SPTY2D1: variants seen among roughly 807,000 people sequenced by gnomAD.
The protein encoded by SPTY2D1 is SPT2 chromatin protein domain containing 1.
SPTY2D1 carries 21 observed loss-of-function variants against 64.0 expected under a neutral mutation model. The observed-to-expected ratio is 0.33, with a 90% CI of 0.23 to 0.47. The LOEUF is 0.47. Among genes scored for constraint, SPTY2D1 ranks in the 20% least tolerant of loss-of-function variants. The probability of loss-of-function intolerance (pLI) is 1.00; values close to 1 mark genes in which losing one functional copy is unlikely to be tolerated. For synonymous variants in SPTY2D1, 287 were observed against 286.8 expected (o/e 1.00, Z -0.01); for missense variants, 724 against 837.2 (o/e 0.86, Z 1.67).
chr11:18,624,014 A>C (rs1269065961), intron 1 of SPTY2D1, among the ~76,000 whole-genome samples: 2 of 152,196 alleles, frequency 1.3e-5, no homozygotes, highest in Admixed American at 1.3e-4. Flanking sequence ...ACATTTGTGT[A>C]CAAGTTTTTA....
rs1441565030 is a variant in SPTY2D1, at chr11:18,609,356, C to T, written c.*505G>A. The T allele has an allele frequency of 6.5e-6, 1 of 153,476 alleles. No homozygotes were observed. The highest frequency in any genetic ancestry group is 2.0e-4 in the South Asian group (1 of 4,880). The allele number at this position is 153,476 out of a possible 1,614,324, so 9.5% of individuals were successfully genotyped here. A position where few individuals can be genotyped will look rare whatever the true frequency, so the allele number is the denominator to read the frequency against. On this transcript the variant is annotated 3_prime_UTR_variant, in exon 6 of 6. Transcript: ENST00000336349. The stretch of plus-strand genomic sequence containing the variant: ...TATGATAGTTATAAATTCTACTCTA[C>T]ATTTTCAAGTTCTCAATCCATAGAT...
chr11:18,621,439 A>C (rs548182546), intron 1 of SPTY2D1, among the ~76,000 whole-genome samples: 1 of 152,330 alleles, frequency 6.6e-6, no homozygotes, highest in South Asian at 2.1e-4. Flanking sequence ...GGTGTTCAGG[A>C]ACTCAGATTT....
At position 18,612,516 on chromosome 11, in the gene SPTY2D1, T is replaced by A; in HGVS notation, c.1712-28A>T. 6.5e-7 allele frequency: 1 copy of A among 1,547,966 alleles called. No individual in the cohort carries two copies. The highest frequency in any genetic ancestry group is 8.7e-7 in the Non-Finnish European group (1 of 1,150,932). ...AAGAAACCATTATTTATAAGAATAT[T>A]ACAATTTAAAATAGTTCCAATGCAG... On this transcript the variant is annotated intron_variant, in intron 3 of 5. Coordinates refer to ENST00000336349, the MANE Select transcript of SPTY2D1 (RefSeq NM_194285.3). The surrounding 1 kb of genome is among the most constrained non-coding windows in gnomAD (Gnocchi z 4.6).
Position 18,614,989 on chromosome 11 carries a change from C to T in SPTY2D1, c.1285G>A (p.Val429Ile), listed in dbSNP as rs555192381. 3.7e-6 allele frequency: 6 copies of T among 1,614,212 alleles called. No individual in the cohort carries two copies. The South Asian group carries it at 5.5e-5, about 15-fold the overall frequency. The change falls in exon 3 of 6, where the codon GTC becomes ATC. Residue 429 changes from valine to isoleucine, a missense_variant. Physicochemically the swap from Val to Ile is conservative, Grantham distance 29. Around this residue, in one of 3 missense-constraint regions of SPTY2D1, gnomAD observed 426 missense variants for 431.8 expected, o/e 0.99. Transcript: ENST00000336349. ...TNDSNPSRRT[V>I]SGTCGPGQPA... is the part of the protein sequence containing the mutation. The stretch of plus-strand genomic sequence containing the variant: ...TGTCCAGGGCCACATGTACCACTGA[C>T]TGTCCGCCTAGAGGGATTTGAGTCA...
intron 1 of SPTY2D1, among the ~76,000 whole-genome samples, chr11:18,624,364 C>A (rs1192057534): frequency 2.0e-5 from 3 of 152,206 alleles, no homozygotes; most frequent in Non-Finnish European, 4.4e-5. Context: ...TGAGTCAAGG[C>A]ACCAGGCTGC....
chr11:18,629,585 T>C (rs78458136), intron 1 of SPTY2D1, among the ~76,000 whole-genome samples: 1 of 152,344 alleles, frequency 6.6e-6, no homozygotes, highest in African/African-American at 2.4e-5. Context: ...TTAACTACTT[T>C]GTTTTTCCTA....
chr11:18,626,972 T>C (rs1443368154), intron 1 of SPTY2D1, among the ~76,000 whole-genome samples: 1 of 151,540 alleles, frequency 6.6e-6, no homozygotes, highest in South Asian at 2.1e-4. Context: ...AAATGGAGAG[T>C]CTATTTGGGG....
At position 18,615,981 on chromosome 11, in the gene SPTY2D1, C is replaced by A. The variant is rs1301651677; in HGVS notation, c.293G>T (p.Gly98Val). ...RTKDNFHGYN[G>V]IPIEEKSKKR... ...CTTTGACTTTTCCTCAATAGGAATC[C>A]CATTGTAACCATGGAAATTATCCTT... The change falls in exon 3 of 6, where the codon GGG (glycine) becomes GTG (valine). Residue 98 changes from glycine (G) to valine (V), a missense_variant. This residue lies in a region of SPTY2D1 where 179 missense variants were observed against 232.5 expected (regional missense o/e 0.77). Transcript: ENST00000336349. 1 of 1,614,154 alleles carries A rather than the reference C, an allele frequency of 6.2e-7. No individual in the cohort carries two copies. The highest frequency in any genetic ancestry group is 1.1e-5 in the South Asian group (1 of 91,078).
Position 18,609,804 on chromosome 11 carries a change from G to A in SPTY2D1, c.*57C>T, listed in dbSNP as rs1345719425. On this transcript the variant is annotated 3_prime_UTR_variant, in exon 6 of 6. Transcript: ENST00000336349. Reference sequence around the variant, plus strand: ...GATAAGGGGGCTTCTTCAGTCTGAAGGCAGGAAATCCTTGCAGCAGAGCAG... The same window carrying A: ...GATAAGGGGGCTTCTTCAGTCTGAAAGCAGGAAATCCTTGCAGCAGAGCAG... 1 of 1,532,970 alleles carries A rather than the reference G, an allele frequency of 6.5e-7. No individual in the cohort carries two copies. Among genetic ancestry groups the A allele is most frequent in the Admixed American group, 1.8e-5 (1 of 57,056 alleles). The allele number at this position is 1,532,970 out of a possible 1,614,324, so 95.0% of individuals were successfully genotyped here. A position where few individuals can be genotyped will look rare whatever the true frequency, so the allele number is the denominator to read the frequency against.
chr11:18,619,751 G>A (rs774789276), intron 1 of SPTY2D1, among the ~76,000 whole-genome samples: 8 of 152,102 alleles, frequency 5.3e-5, no homozygotes, highest in South Asian at 2.1e-4. Flanking sequence ...GCAAGACTCC[G>A]TCTCAATAAA....
At chr11:18,617,579 T>C (rs552634576) in intron 1 of SPTY2D1, among the ~76,000 whole-genome samples, 144 of 138,310 alleles carry the variant, frequency 1.0e-3, no homozygotes, top group African/African-American at 3.7e-3. Flanking sequence ...TGAGCCGAGA[T>C]TGTGCCACTG....
intron 2 of SPTY2D1, among the ~76,000 whole-genome samples, chr11:18,616,444 T>C (rs1022136926): frequency 1.1e-4 from 16 of 152,322 alleles, no homozygotes; most frequent in African/African-American, 3.8e-4. Flanking sequence ...TTCTTTGTAT[T>C]TGCATGAAGT....
chr11:18,619,451 C>G (rs964136829), intron 1 of SPTY2D1, among the ~76,000 whole-genome samples: 1 of 135,266 alleles, frequency 7.4e-6, no homozygotes, highest in Non-Finnish European at 1.6e-5. Context: ...GAGAACTCAT[C>G]TCTTTAAAAA....
At chr11:18,614,332 G>A (rs747753690) in intron 3 of SPTY2D1, among the ~76,000 whole-genome samples, 1 of 152,156 alleles carries the variant, frequency 6.6e-6, no homozygotes, top group African/African-American at 2.4e-5. Context: ...TAAGGTGGGA[G>A]AACTGCTTGA....
At chr11:18,618,352 C>G (rs1415231691) in intron 1 of SPTY2D1, among the ~76,000 whole-genome samples, 1 of 152,188 alleles carries the variant, frequency 6.6e-6, no homozygotes, top group Non-Finnish European at 1.5e-5. Context: ...TTACATTATC[C>G]TGGCACAGAT....
chr11:18,633,599 T>C (rs1854622800), intron 1 of SPTY2D1, among the ~76,000 whole-genome samples: 1 of 152,206 alleles, frequency 6.6e-6, no homozygotes, highest in Non-Finnish European at 1.5e-5. Flanking sequence ...CTAGCTCACC[T>C]ATTCTGTTGG....
rs1232655147 is a variant in SPTY2D1 at position 18,616,951 on chromosome 11, G to A, written c.99C>T (p.Asp33=). The change falls in exon 2 of 6, where the codon GAC becomes GAT. Residue 33 remains aspartate (D), a synonymous_variant. Coordinates refer to ENST00000336349, the MANE Select transcript of SPTY2D1 (RefSeq NM_194285.3). ...YSLAVGPPKK[D]PKVKGVQSAA... is the part of the protein sequence containing the mutation. ...CTGATTGGACACCTTTAACTTTTGG[G>A]TCTTTTTTTGGAGGCCCCACTGCCA... The A allele has an allele frequency of 3.1e-6, 5 of 1,613,996 alleles. No individual in the cohort carries two copies. In the African/African-American group the frequency reaches 5.3e-5, roughly 17 times the overall value.
At chr11:18,617,111 T>C (rs531640657) in intron 1 of SPTY2D1, 122 bp from the exon 2 acceptor site, 14 of 733,076 alleles carry the variant, frequency 1.9e-5, no homozygotes, top group African/African-American at 1.2e-4. Context: ...TTCTGAATAA[T>C]TGAGAGATCA....
intron 1 of SPTY2D1, among the ~76,000 whole-genome samples, chr11:18,625,751 G>A (rs1285369879): frequency 4.3e-5 from 1 of 23,086 alleles, no homozygotes; most frequent in African/African-American, 8.1e-5. Flanking sequence ...ATTTTTTGTA[G>A]AGATTGGGGG....
Sources: gnomAD v4.1 joint callset for allele counts (sites outside exome capture counted in the v4.1 genomes callset) on GRCh38, gnomAD v4.1.1 for gene constraint, gnomAD v4.1.1 regional missense constraint, Gnocchi (gnomAD v3.1) non-coding constraint, MANE v1.5 for transcripts, NCBI Gene and HGNC (gene_info 2026-07-23, HGNC 2026-07-21) for gene names.